The following DLGAP5 variants were observed in gnomAD, a reference collection of about 807,000 sequenced individuals.
DLGAP5 encodes DLG associated protein 5.
A neutral mutation model predicts 99.6 loss-of-function variants in DLGAP5; 90 were observed. That is an observed-to-expected ratio of 0.90 (90% confidence interval 0.76 to 1.08). The LOEUF (loss-of-function observed/expected upper bound fraction) is 1.08, where lower values mean the gene tolerates loss of function less well. Ranked by LOEUF, DLGAP5 falls within the 50% of genes least tolerant of loss-of-function variation. DLGAP5 has a pLI of 0.00. For synonymous variants in DLGAP5, 311 were observed against 321.3 expected (o/e 0.97, Z 0.34); for missense variants, 1,036 against 983.5 (o/e 1.05, Z -0.71).
chr14:55,168,720 T>C (rs1436874990), intron 12 of DLGAP5, among the ~76,000 whole-genome samples: 2 of 152,138 alleles, frequency 1.3e-5, no homozygotes, highest in Admixed American at 6.5e-5. Context: ...CCTAATACAA[T>C]ACTCCTAACA....
intron 12 of DLGAP5, among the ~76,000 whole-genome samples, chr14:55,165,543 C>A (rs568282620): frequency 2.9e-4 from 44 of 149,248 alleles, no homozygotes; most frequent in African/African-American, 1.0e-3. Context: ...AAAAAAAAAC[C>A]CCAAAAAAAC....
intron 10 of DLGAP5, among the ~76,000 whole-genome samples, chr14:55,173,811 T>C (rs961845756): frequency 2.0e-5 from 3 of 152,146 alleles, no homozygotes; most frequent in Admixed American, 2.0e-4. Context: ...ACTTCCCCAG[T>C]CAATACCCTT....
rs575447307 is a variant in DLGAP5 at position 55,152,083 on chromosome 14, T to C, written c.2122-142A>G. ...CTTAAGAACATTATAAATCCTACTA[T>C]CCTGCTTCTTCAACAATTAGTTCAG... On this transcript the variant is annotated intron_variant, in intron 16 of 18. Coordinates refer to ENST00000247191, the MANE Select transcript of DLGAP5 (RefSeq NM_014750.5). 25 of 765,558 alleles carry C rather than the reference T, an allele frequency of 3.3e-5. No individual in the cohort carries two copies. The African/African-American group carries it at 4.0e-4, about 12-fold the overall frequency. The allele number at this position is 765,558 out of a possible 1,614,324, so 47.4% of individuals were successfully genotyped here. A position where few individuals can be genotyped will look rare whatever the true frequency, so the allele number is the denominator to read the frequency against.
chr14:55,187,202 C>G (rs998339432), intron 2 of DLGAP5, among the ~76,000 whole-genome samples: 2 of 152,006 alleles, frequency 1.3e-5, no homozygotes, highest in African/African-American at 4.8e-5. Context: ...CATCTGGCCC[C>G]TTGTCTTTTA....
chr14:55,153,883 C>A (rs1399641736), intron 15 of DLGAP5, among the ~76,000 whole-genome samples: 1 of 152,038 alleles, frequency 6.6e-6, no homozygotes, highest in East Asian at 1.9e-4. Context: ...TAGTGAAACC[C>A]CGTCTCTACT....
At chr14:55,186,516 CTCT>C (rs1334226057) in intron 2 of DLGAP5, among the ~76,000 whole-genome samples, 2 of 152,212 alleles carry the variant, frequency 1.3e-5, no homozygotes, top group African/African-American at 2.4e-5. Context: ...CTCCTCCCCA[CTCT>C]TCTTTTCATG....
intron 12 of DLGAP5, among the ~76,000 whole-genome samples, chr14:55,166,773 G>A (rs567146010): frequency 6.6e-6 from 1 of 151,796 alleles, no homozygotes; most frequent in African/African-American, 2.4e-5. Flanking sequence ...GGATTGTGGT[G>A]ATGGTTGCAT....
rs140578230 is a variant in DLGAP5 at position 55,175,470 on chromosome 14, G to C, written c.1177C>G (p.His393Asp). 7.8e-6 allele frequency: 10 copies of C among 1,275,504 alleles called. No individual in the cohort carries two copies. Among genetic ancestry groups the C allele is most frequent in the Admixed American group, 4.1e-5 (2 of 48,510 alleles). The allele number at this position is 1,275,504 out of a possible 1,614,324, so 79.0% of individuals were successfully genotyped here. Residue 393 changes from histidine to aspartate, a missense_variant and splice_region_variant, in exon 10 of 19, where the codon CAT (histidine) becomes GAT (aspartate). Coordinates refer to ENST00000247191, the MANE Select transcript of DLGAP5 (RefSeq NM_014750.5). ...GTAGCTTCATTTTTATTTAAAACAT[G>C]TTCTATAAATTAAAGAAAATCTTAC... ...LGPLTVWHEEHVLNKNEATTK... is the reference protein window; with the variant it reads ...LGPLTVWHEEDVLNKNEATTK...
chr14:55,152,633 T>A lies in DLGAP5; in HGVS notation c.2078A>T (p.Asp693Val). ...ATCTGGTAATCCAGGACACTGAGCATCTTCTATGCTGCTCCTAAAGAAGAA... is the reference window on the plus strand; with the variant it reads ...ATCTGGTAATCCAGGACACTGAGCAACTTCTATGCTGCTCCTAAAGAAGAA... ...SIPESRSSIE[D>V]AQCPGLPDLI... The change falls in exon 16 of 19, where the codon GAT (aspartate) becomes GTT (valine). Residue 693 changes from aspartate to valine, a missense_variant. Transcript: ENST00000247191. The A allele has an allele frequency of 6.2e-7, 1 of 1,601,022 alleles. No individual in the cohort carries two copies. Among genetic ancestry groups the A allele is most frequent in the Non-Finnish European group, 8.5e-7 (1 of 1,174,876 alleles).
In DLGAP5 at chr14:55,181,210, T is replaced by C. The variant is rs1883262006; in HGVS notation, c.580+3A>G. On this transcript the variant is annotated splice_donor_region_variant and intron_variant, in intron 5 of 18. Transcript: ENST00000247191. ...GATTTATAGTAATTGCTAATATTCC[T>C]ACCTTTTTTCTCTTTGTCTGACACT... The C allele has an allele frequency of 6.2e-7, 1 of 1,613,150 alleles. No homozygotes were observed. Among genetic ancestry groups the C allele is most frequent in the Non-Finnish European group, 8.5e-7 (1 of 1,179,538 alleles).
intron 14 of DLGAP5, among the ~76,000 whole-genome samples, chr14:55,157,074 G>C (rs919823910): frequency 1.4e-4 from 22 of 152,350 alleles, no homozygotes; most frequent in African/African-American, 5.3e-4. Flanking sequence ...AAAGACTCCA[G>C]TAAGAATTGA....
intron 1 of DLGAP5, among the ~76,000 whole-genome samples, chr14:55,190,160 C>T (rs1883560761): frequency 6.6e-6 from 1 of 152,088 alleles, no homozygotes; most frequent in African/African-American, 2.4e-5. Flanking sequence ...TAGGCCGGCA[C>T]GGTGGCTTAG....
At chr14:55,161,408 A>AATTT (rs1555328155) in intron 13 of DLGAP5, among the ~76,000 whole-genome samples, 2 of 115,906 alleles carry the variant, frequency 1.7e-5, no homozygotes, top group African/African-American at 7.1e-5. Context: ...TAAAAAAAAA[A>AATTT]TTTTTTTTTT....
At chr14:55,162,081 GAA>G (rs144135559) in intron 13 of DLGAP5, among the ~76,000 whole-genome samples, 1,695 of 151,938 alleles carry the variant, frequency 0.011, 32 homozygotes, top group African/African-American at 0.039. Flanking sequence ...TGCTTAGTTT[GAA>G]AAGTGTCCAC....
intron 14 of DLGAP5, among the ~76,000 whole-genome samples, chr14:55,155,710 A>G (rs1440092470): frequency 6.6e-6 from 1 of 152,176 alleles, no homozygotes; most frequent in East Asian, 1.9e-4. Context: ...AGATAGCAAC[A>G]ATAACAATAT....
chr14:55,170,589 C>G, intron 11 of DLGAP5, 113 bp downstream of exon 11: 1 of 934,166 alleles, frequency 1.1e-6, no homozygotes, highest in Non-Finnish European at 1.6e-6. Flanking sequence ...ATTCTTGCTA[C>G]TTTGAATGAT....
intron 13 of DLGAP5, among the ~76,000 whole-genome samples, chr14:55,159,405 G>A (rs1882333623): frequency 6.6e-6 from 1 of 152,148 alleles, no homozygotes; most frequent in South Asian, 2.1e-4. Context: ...TGGTGTTTTA[G>A]AAAGATCACT....
At chr14:55,150,683 TA>T in intron 18 of DLGAP5, 115 bp downstream of exon 18, 1 of 760,506 alleles carries the variant, frequency 1.3e-6, no homozygotes, top group Non-Finnish European at 2.0e-6. Context: ...GAAGAGTGAG[TA>T]AGCAAAACAA....
At chr14:55,185,731 A>C (rs1457095173) in intron 2 of DLGAP5, among the ~76,000 whole-genome samples, 1 of 152,070 alleles carries the variant, frequency 6.6e-6, no homozygotes, top group Non-Finnish European at 1.5e-5. Context: ...TGATCCACCC[A>C]CCTTGGCATC....
Sources: gnomAD v4.1 joint callset for allele counts (sites outside exome capture counted in the v4.1 genomes callset) on GRCh38, gnomAD v4.1.1 for gene constraint, MANE v1.5 for transcripts, NCBI Gene and HGNC (gene_info 2026-07-23, HGNC 2026-07-21) for gene names.